Variants in SNX8 observed in about 807,000 individuals in gnomAD.
SNX8 encodes the protein sorting nexin 8, also known as sorting nexin-8.
In SNX8, 25 loss-of-function variants were observed where a neutral mutation model predicts 51.6. The ratio of observed to expected loss-of-function variants is 0.48; its 90% CI spans 0.35 to 0.68. The LOEUF (loss-of-function observed/expected upper bound fraction) is 0.68. Among genes scored for constraint, SNX8 ranks in the 30% least tolerant of loss-of-function variants. The pLI is 0.00. For missense variants in SNX8, 695 were observed against 624.0 expected (o/e 1.11, Z -1.21); for synonymous variants, 324 against 277.0 (o/e 1.17, Z -1.68).
intron 10 of SNX8, among the ~76,000 whole-genome samples, chr7:2,255,698 C>A (rs1795160489): frequency 1.3e-5 from 2 of 152,240 alleles, no homozygotes; most frequent in Non-Finnish European, 2.9e-5. Flanking sequence ...CAGAGCAAGA[C>A]TCCACCTCAA....
upstream of SNX8, chr7:2,314,586 G>A: frequency 7.9e-6 from 5 of 632,016 alleles, no homozygotes; most frequent in Non-Finnish European, 1.0e-5. Context: ...GCCCGGCCTC[G>A]CCACGCCTAC....
At chr7:2,285,948 G>A (rs142983006) in intron 1 of SNX8, among the ~76,000 whole-genome samples, 3 of 152,068 alleles carry the variant, frequency 2.0e-5, no homozygotes, top group South Asian at 2.1e-4. Flanking sequence ...CTATCAAAGT[G>A]CTGGGATTAC....
At chr7:2,302,230 G>A (rs1041535643) in intron 1 of SNX8, among the ~76,000 whole-genome samples, 1 of 152,248 alleles carries the variant, frequency 6.6e-6, no homozygotes, top group Admixed American at 6.5e-5. Context: ...AGCCTGCCGA[G>A]TGCCTGCGAT....
intron 1 of SNX8, among the ~76,000 whole-genome samples, chr7:2,278,605 G>T (rs966966741): frequency 6.8e-6 from 1 of 147,916 alleles, no homozygotes; most frequent in African/African-American, 2.5e-5. Context: ...CTCACACTAC[G>T]GAGTCGACGC....
chr7:2,342,622 G>A (rs1778953121), intron 1 of SNX8, among the ~76,000 whole-genome samples: 1 of 150,828 alleles, frequency 6.6e-6, no homozygotes, highest in South Asian at 2.1e-4. Context: ...CCACTGCACT[G>A]CAGCCTAGGC....
intron 1 of SNX8, among the ~76,000 whole-genome samples, chr7:2,349,027 ATTT>A (rs547160471): frequency 1.3e-5 from 2 of 148,272 alleles, no homozygotes; most frequent in Non-Finnish European, 3.0e-5. Context: ...ATGACTTTCA[ATTT>A]TTTTTTCTTT....
At chr7:2,281,204 C>T (rs1795898686) in intron 1 of SNX8, among the ~76,000 whole-genome samples, 1 of 152,068 alleles carries the variant, frequency 6.6e-6, no homozygotes, top group African/African-American at 2.4e-5. Context: ...GCAAGAGGAT[C>T]ACTTGAGCCC....
chr7:2,346,099 A>G (rs1398774535), intron 1 of SNX8, among the ~76,000 whole-genome samples: 3 of 152,046 alleles, frequency 2.0e-5, no homozygotes, highest in African/African-American at 7.2e-5. Context: ...GAGCCACCAC[A>G]CCCAGCCTAT....
At chr7:2,344,295 A>C (rs1778982877) in intron 1 of SNX8, among the ~76,000 whole-genome samples, 1 of 151,972 alleles carries the variant, frequency 6.6e-6, no homozygotes, top group African/African-American at 2.4e-5. Context: ...CAGCCTGGGC[A>C]ACATGGTAAG....
chr7:2,283,261 G>A (rs771488873), intron 1 of SNX8, among the ~76,000 whole-genome samples: 2 of 152,240 alleles, frequency 1.3e-5, no homozygotes, highest in South Asian at 2.1e-4. Context: ...CAGGTGGCAC[G>A]GGACAGACAC....
At chr7:2,300,575 G>A (rs562978977) in intron 1 of SNX8, among the ~76,000 whole-genome samples, 2 of 152,010 alleles carry the variant, frequency 1.3e-5, no homozygotes, top group South Asian at 2.1e-4. Flanking sequence ...ACCATGCCTG[G>A]CTAATTTTTT....
chr7:2,348,067 G>C (rs1001737004), intron 1 of SNX8, among the ~76,000 whole-genome samples: 5 of 152,146 alleles, frequency 3.3e-5, no homozygotes, highest in African/African-American at 1.2e-4. Context: ...ACTTGCTGGA[G>C]AGAAAGCTGC....
intron 1 of SNX8, among the ~76,000 whole-genome samples, chr7:2,285,098 G>C (rs756342505): frequency 6.6e-6 from 1 of 151,508 alleles, no homozygotes; most frequent in Non-Finnish European, 1.5e-5. Context: ...TGTAGTCCCA[G>C]CTACTCGGGA....
chr7:2,311,603 G>A (rs1361246754), intron 1 of SNX8, among the ~76,000 whole-genome samples: 1 of 151,998 alleles, frequency 6.6e-6, no homozygotes, highest in Non-Finnish European at 1.5e-5. Context: ...GCCCACTTTG[G>A]GCAAATTACT....
Position 2,279,004 on chromosome 7 carries a change from C to G in SNX8, c.95-699G>C, listed in dbSNP as rs113914270. ...CGACGCCGGACTCACACTACGGAGT[C>G]GACGCCGGACTCACTCACACTACGG... On this transcript the variant is annotated intron_variant, in intron 1 of 10. Transcript: ENST00000222990. 2.2e-3 allele frequency among the ~76,000 whole-genome samples: 4 copies of G among 1,816 alleles called. 2 individuals are homozygous for G. Among genetic ancestry groups the G allele is most frequent in the Non-Finnish European group, 5.0e-3 (4 of 804 alleles). 1.2% of individuals were successfully genotyped at this position (1,816 alleles called of 152,430 possible).
chr7:2,308,035 T>C (rs112819706), intron 1 of SNX8: 4 of 151,988 alleles, frequency 2.6e-5, no homozygotes, highest in African/African-American at 9.7e-5. Flanking sequence ...ACCTTGCAAA[T>C]TGTGTATGTG....
At chr7:2,287,356 G>C (rs1352831928) in intron 1 of SNX8, among the ~76,000 whole-genome samples, 1 of 151,416 alleles carries the variant, frequency 6.6e-6, no homozygotes, top group Non-Finnish European at 1.5e-5. Context: ...GAAGCAGGTG[G>C]ATCCATTGAG....
At chr7:2,263,511 G>C in intron 6 of SNX8, 149 bp from the exon 7 acceptor site, 3 of 772,656 alleles carry the variant, frequency 3.9e-6, no homozygotes, top group Non-Finnish European at 4.0e-6. Context: ...GGCCTGTGGG[G>C]ACCCTGGGAG....
chr7:2,330,084 G>T (rs1778701875), intron 1 of SNX8, among the ~76,000 whole-genome samples: 1 of 149,968 alleles, frequency 6.7e-6, no homozygotes, highest in Non-Finnish European at 1.5e-5. Flanking sequence ...GACCACCTCG[G>T]CCTCCCAAAG....
Sources: allele counts gnomAD v4.1 joint callset (sites outside exome capture counted in the v4.1 genomes callset), GRCh38; gene constraint gnomAD v4.1.1; transcripts MANE v1.5; gene names NCBI Gene and HGNC (gene_info 2026-07-23, HGNC 2026-07-21).